SLA2: variants seen among roughly 807,000 people sequenced by gnomAD.
SLA2 encodes Src like adaptor 2, also known as src-like-adapter 2.
Under a neutral mutation model 27.3 loss-of-function variants are expected in SLA2, and 22 were observed. The observed-to-expected ratio is 0.81, with a 90% CI of 0.58 to 1.15. The LOEUF is 1.15. Among genes scored for constraint, SLA2 ranks in the 50% most tolerant of loss-of-function variants. The pLI is 0.00. For missense variants in SLA2, 304 were observed against 322.2 expected (o/e 0.94, Z 0.43); for synonymous variants, 131 against 137.8 (o/e 0.95, Z 0.34).
chr20:36,616,567 T>C (rs1322292314), intron 5 of SLA2, among the ~76,000 whole-genome samples: 2 of 152,048 alleles, frequency 1.3e-5, no homozygotes. Flanking sequence ...ACTCTTGACC[T>C]CGTGATCCGC....
intron 5 of SLA2, among the ~76,000 whole-genome samples, 165 bp downstream of exon 5, chr20:36,632,430 A>G (rs2039401532): frequency 6.6e-6 from 1 of 152,026 alleles, no homozygotes; most frequent in Admixed American, 6.6e-5. Context: ...TGGGCTCCAC[A>G]TGGTTCATAT....
intron 5 of SLA2, among the ~76,000 whole-genome samples, chr20:36,628,723 A>T (rs183671249): frequency 0.02 from 2,985 of 151,480 alleles, 105 homozygotes; most frequent in African/African-American, 0.068. Context: ...CTTAAAAAAA[A>T]ATTTTTTTTT....
chr20:36,644,008 T>C (rs1978285723), intron 1 of SLA2, among the ~76,000 whole-genome samples: 1 of 151,958 alleles, frequency 6.6e-6, no homozygotes, highest in South Asian at 2.1e-4. Context: ...TATGGGGAGT[T>C]CGGCATTCAT....
In SLA2 at chr20:36,625,207, C is replaced by T. The variant is rs554685322; in HGVS notation, c.382+7388G>A. ...TTCCTGTATTATTCTCATCAGACCA[C>T]GTACCCTGATTTTTTTTTTTTTTTT... On this transcript the variant is annotated intron_variant, in intron 5 of 7. Transcript: ENST00000262866. Among the ~76,000 whole-genome samples the T allele has an allele frequency of 2.4e-4, 34 of 143,884 alleles. No homozygotes were observed. In the South Asian group the frequency reaches 6.0e-3, roughly 25 times the overall value. The allele number at this position is 143,884 out of a possible 152,430, so 94.4% of individuals were successfully genotyped here. A position where few individuals can be genotyped will look rare whatever the true frequency, so the allele number is the denominator to read the frequency against.
At chr20:36,631,557 C>T (rs2039393564) in intron 5 of SLA2, among the ~76,000 whole-genome samples, 1 of 152,198 alleles carries the variant, frequency 6.6e-6, no homozygotes, top group African/African-American at 2.4e-5. Context: ...AGGCTAGGAA[C>T]TCCAGCCCTT....
chr20:36,628,715 T>TA (rs111840158), intron 5 of SLA2, among the ~76,000 whole-genome samples: 17 of 149,822 alleles, frequency 1.1e-4, no homozygotes, highest in South Asian at 8.3e-4. Context: ...CTAGCTAACT[T>TA]AAAAAAAAAT....
chr20:36,643,540 A>G (rs976603121), intron 1 of SLA2, among the ~76,000 whole-genome samples: 19 of 152,262 alleles, frequency 1.2e-4, no homozygotes, highest in Admixed American at 1.2e-3. Flanking sequence ...GCGTCCATCA[A>G]TATCATGGAG....
chr20:36,613,808 G>A lies in SLA2; in HGVS notation c.*58C>T. 6.4e-7 allele frequency: 1 copy of A among 1,557,590 alleles called. No homozygotes were observed. The highest frequency in any genetic ancestry group is 8.7e-7 in the Non-Finnish European group (1 of 1,150,740). On this transcript the variant is annotated 3_prime_UTR_variant, in exon 8 of 8. Coordinates refer to ENST00000262866, the MANE Select transcript of SLA2 (RefSeq NM_032214.4). ...GCCTTGCCTCTGGGGTGCCCAGGAG[G>A]CTGAATTGGGGTTCTAGGTGTGCAG...
chr20:36,626,495 T>C (rs4812384), intron 5 of SLA2, among the ~76,000 whole-genome samples: 129,023 of 150,760 alleles, frequency 0.86, 55,283 homozygotes, highest in Admixed American at 0.89. Flanking sequence ...GCCTGGGAGG[T>C]GGAGGTTGCA....
intron 5 of SLA2, among the ~76,000 whole-genome samples, chr20:36,628,910 C>T (rs1395871472): frequency 2.0e-5 from 3 of 151,934 alleles, no homozygotes; most frequent in African/African-American, 7.3e-5. Context: ...AAAATTTTAC[C>T]TTTCCTGGAA....
At chr20:36,618,398 G>A (rs893444814) in intron 5 of SLA2, among the ~76,000 whole-genome samples, 4 of 151,362 alleles carry the variant, frequency 2.6e-5, no homozygotes, top group Admixed American at 2.0e-4. Context: ...CACCATGCCC[G>A]GCTATTTTTT....
rs916265946 is a variant in SLA2, at chr20:36,632,656, C to G, written c.321G>C (p.Leu107=). 1.8e-5 allele frequency: 29 copies of G among 1,614,114 alleles called. No homozygotes were observed. The highest frequency in any genetic ancestry group is 2.5e-5 in the Non-Finnish European group (29 of 1,180,050). ...EGLSREKAEE[L]LLLPGNPGGA... is the part of the protein sequence containing the mutation. Reference sequence around the variant, plus strand: ...CTCCAGGGTTCCCAGGTAACAACAGCAGTTCCTCTGCTTTCTCCCTGCTCA... The same window carrying G: ...CTCCAGGGTTCCCAGGTAACAACAGGAGTTCCTCTGCTTTCTCCCTGCTCA... The change falls in exon 5 of 8, where the codon CTG becomes CTC. Residue 107 remains leucine, a synonymous_variant. Coordinates refer to ENST00000262866, the MANE Select transcript of SLA2 (RefSeq NM_032214.4).
chr20:36,619,632 T>C (rs1230455310), intron 5 of SLA2, among the ~76,000 whole-genome samples: 5 of 143,120 alleles, frequency 3.5e-5, no homozygotes, highest in Non-Finnish European at 5.9e-5. Context: ...ACAAATTTTT[T>C]TCTTTTTTTT....
intron 2 of SLA2, 28 bp downstream of exon 2, chr20:36,641,217 C>G (rs1412026035): frequency 6.3e-7 from 1 of 1,592,018 alleles, no homozygotes. Context: ...GTGGGAAGAG[C>G]CTGGCTGTCA....
At chr20:36,616,465 G>A (rs1426039429) in intron 5 of SLA2, among the ~76,000 whole-genome samples, 4 of 151,602 alleles carry the variant, frequency 2.6e-5, no homozygotes, top group African/African-American at 9.7e-5. Flanking sequence ...CGAGTAGCTG[G>A]GACTACAGGC....
chr20:36,642,921 C>T lies in SLA2; in HGVS notation c.-43-1543G>A, dbSNP rs183943627. 1.3e-3 allele frequency among the ~76,000 whole-genome samples: 199 copies of T among 152,272 alleles called. 1 individual carries two copies. In the Middle Eastern group the frequency reaches 0.017, roughly 13 times the overall value. ...AGTTACGGGCTCATGCCATGTTGCC[C>T]AGGCTGTTCTTGAACTCCTGGGCTC... On this transcript the variant is annotated intron_variant, in intron 1 of 7. Coordinates refer to ENST00000262866, the MANE Select transcript of SLA2 (RefSeq NM_032214.4).
chr20:36,632,749 G>A (rs371663434), intron 4 of SLA2, 51 bp from the exon 5 acceptor site: 1 of 1,494,958 alleles, frequency 6.7e-7, no homozygotes, highest in Non-Finnish European at 9.2e-7. Flanking sequence ...TGGAGGAAGA[G>A]GGAAGCCAAG....
chr20:36,616,221 G>A (rs2039208311), intron 5 of SLA2, among the ~76,000 whole-genome samples: 2 of 151,718 alleles, frequency 1.3e-5, no homozygotes, highest in Admixed American at 1.3e-4. Flanking sequence ...GTGGATGTCA[G>A]TTTTATTAGT....
At chr20:36,626,877 T>C (rs1404263302) in intron 5 of SLA2, among the ~76,000 whole-genome samples, 1 of 148,716 alleles carries the variant, frequency 6.7e-6, no homozygotes, top group Non-Finnish European at 1.5e-5. Context: ...AGAAAAGAGA[T>C]AAACCTATTA....
Sources: allele counts gnomAD v4.1 joint callset (sites outside exome capture counted in the v4.1 genomes callset), GRCh38; gene constraint gnomAD v4.1.1; transcripts MANE v1.5; gene names NCBI Gene and HGNC (gene_info 2026-07-23, HGNC 2026-07-21).